Variants in COX7B2 observed in about 807,000 individuals in gnomAD.
COX7B2 encodes the protein cytochrome c oxidase subunit 7B2, mitochondrial.
For synonymous variants in COX7B2, 37 were observed against 32.1 expected (o/e 1.15, Z -0.51); for missense variants, 109 against 95.9 (o/e 1.14, Z -0.57).
At chr4:46,860,478 T>C (rs945783080) in intron 1 of COX7B2, among the ~76,000 whole-genome samples, 5 of 151,464 alleles carry the variant, frequency 3.3e-5, no homozygotes, top group Non-Finnish European at 7.4e-5. Context: ...GGGGAGACCT[T>C]CACCAGGGGC....
chr4:46,740,756 C>A (rs141706522), intron 2 of COX7B2, among the ~76,000 whole-genome samples: 1 of 151,944 alleles, frequency 6.6e-6, no homozygotes, highest in Non-Finnish European at 1.5e-5. Flanking sequence ...AAGATAGAAT[C>A]GAGAAATATA....
At chr4:46,888,140 C>A (rs1226877100) in intron 1 of COX7B2, among the ~76,000 whole-genome samples, 2 of 152,156 alleles carry the variant, frequency 1.3e-5, no homozygotes, top group Non-Finnish European at 2.9e-5. Context: ...ACAGGAGAAG[C>A]AAAGCGGTGT....
At chr4:46,825,018 T>C (rs953775978) in intron 2 of COX7B2, among the ~76,000 whole-genome samples, 1 of 151,730 alleles carries the variant, frequency 6.6e-6, no homozygotes, top group African/African-American at 2.4e-5. Flanking sequence ...CAACACAATA[T>C]TGGAAGTCCT....
intron 2 of COX7B2, among the ~76,000 whole-genome samples, chr4:46,810,728 C>T (rs187735983): frequency 9.1e-4 from 139 of 152,190 alleles, no homozygotes; most frequent in Non-Finnish European, 1.7e-3. Context: ...GTATTTGCCT[C>T]TAGCAGTGAG....
chr4:46,799,924 A>G (rs1462478906), intron 2 of COX7B2, among the ~76,000 whole-genome samples: 2 of 152,176 alleles, frequency 1.3e-5, no homozygotes, highest in Non-Finnish European at 2.9e-5. Flanking sequence ...GAGGATTTGT[A>G]GTAGCTCTTC....
At chr4:46,903,293 T>C (rs949434717) in intron 1 of COX7B2, among the ~76,000 whole-genome samples, 6 of 152,186 alleles carry the variant, frequency 3.9e-5, no homozygotes, top group Non-Finnish European at 7.4e-5. Context: ...TTTATTCTTC[T>C]GCCACCTCAG....
intron 2 of COX7B2, among the ~76,000 whole-genome samples, chr4:46,769,407 G>A (rs1716740409): frequency 1.3e-5 from 2 of 152,198 alleles, no homozygotes; most frequent in South Asian, 2.1e-4. Flanking sequence ...TTCAATGTCT[G>A]CAAAGCAATA....
intron 2 of COX7B2, among the ~76,000 whole-genome samples, chr4:46,832,479 C>A (rs1715211833): frequency 6.6e-6 from 1 of 152,066 alleles, no homozygotes; most frequent in African/African-American, 2.4e-5. Context: ...ATTTCTGTTC[C>A]CAATACACTG....
intron 2 of COX7B2, among the ~76,000 whole-genome samples, chr4:46,814,646 T>C (rs184696770): frequency 3.4e-4 from 52 of 152,312 alleles, no homozygotes; most frequent in Admixed American, 1.7e-3. Flanking sequence ...CGACAGTAAG[T>C]GATGATAAGC....
In COX7B2 at chr4:46,853,672, T is replaced by C. The variant is rs1716841123; in HGVS notation, c.-104-8658A>G. On this transcript the variant is annotated intron_variant, in intron 1 of 2. Transcript: ENST00000355591. ...AATTAGGCTTGTCTTCTATTGTTTG[T>C]ATTTTATTTTAGCTTCCCTAACATC... Among the ~76,000 whole-genome samples, 3 of 152,250 alleles carry C rather than the reference T, an allele frequency of 2.0e-5. No homozygotes were observed. In the South Asian group the frequency reaches 6.2e-4, roughly 32 times the overall value.
intron 2 of COX7B2, among the ~76,000 whole-genome samples, chr4:46,754,470 A>T (rs1715620999): frequency 7.2e-6 from 1 of 138,174 alleles, no homozygotes; most frequent in African/African-American, 2.7e-5. Context: ...AGGACAAAAA[A>T]CCAAACACTG....
At chr4:46,766,907 A>G (rs1011399699) in intron 2 of COX7B2, among the ~76,000 whole-genome samples, 2 of 152,220 alleles carry the variant, frequency 1.3e-5, no homozygotes, top group East Asian at 1.9e-4. Flanking sequence ...CCACGAAAAA[A>G]TTATCACATC....
intron 1 of COX7B2, among the ~76,000 whole-genome samples, chr4:46,879,715 G>A (rs1479447487): frequency 1.4e-5 from 2 of 146,172 alleles, no homozygotes; most frequent in African/African-American, 2.5e-5. Flanking sequence ...CAAAGAAAAC[G>A]AAGACCTCAA....
chr4:46,808,367 G>A (rs1387587785), intron 2 of COX7B2, among the ~76,000 whole-genome samples: 1 of 151,576 alleles, frequency 6.6e-6, no homozygotes, highest in African/African-American at 2.4e-5. Flanking sequence ...ATTTTTGTAT[G>A]TCAATATTGT....
intron 1 of COX7B2, among the ~76,000 whole-genome samples, chr4:46,887,646 G>A (rs1719157244): frequency 6.7e-6 from 1 of 149,332 alleles, no homozygotes; most frequent in African/African-American, 2.5e-5. Flanking sequence ...GGAAGGCGGA[G>A]CTTGCAGTGA....
intron 2 of COX7B2, among the ~76,000 whole-genome samples, chr4:46,782,363 T>C (rs190147147): frequency 2.0e-5 from 3 of 150,452 alleles, no homozygotes; most frequent in Non-Finnish European, 3.0e-5. Context: ...CACCAATCAG[T>C]GCTTGTGTCT....
intron 1 of COX7B2, among the ~76,000 whole-genome samples, chr4:46,907,389 A>C (rs2109912164): frequency 6.6e-6 from 1 of 152,298 alleles, no homozygotes; most frequent in African/African-American, 2.4e-5. Context: ...ATGAAGCATA[A>C]ATTTTAAACT....
At chr4:46,743,543 T>C (rs1471722272) in intron 2 of COX7B2, among the ~76,000 whole-genome samples, 7 of 152,228 alleles carry the variant, frequency 4.6e-5, no homozygotes, top group Non-Finnish European at 8.8e-5. Context: ...TGTCAGTATT[T>C]CCCAAAATAT....
intron 2 of COX7B2, among the ~76,000 whole-genome samples, chr4:46,752,480 C>T (rs1315981622): frequency 1.3e-5 from 2 of 152,126 alleles, no homozygotes; most frequent in Admixed American, 6.6e-5. Flanking sequence ...TGAGAGAGGG[C>T]ATCCCTGTCT....
Sources: allele counts gnomAD v4.1 joint callset (sites outside exome capture counted in the v4.1 genomes callset), GRCh38; gene constraint gnomAD v4.1.1; transcripts MANE v1.5; gene names NCBI Gene and HGNC (gene_info 2026-07-23, HGNC 2026-07-21).